Variants in SYT16 observed in about 807,000 individuals in gnomAD.
The protein encoded by SYT16 is synaptotagmin-16.
A neutral mutation model predicts 61.4 loss-of-function variants in SYT16; 42 were observed. The observed-to-expected ratio is 0.68, with a 90% CI of 0.53 to 0.89. The LOEUF (loss-of-function observed/expected upper bound fraction) is 0.89, where lower values mean the gene tolerates loss of function less well. Among genes scored for constraint, SYT16 ranks in the 40% least tolerant of loss-of-function variants. The pLI is 0.00. For synonymous variants in SYT16, 314 were observed against 302.3 expected (o/e 1.04, Z -0.40); for missense variants, 804 against 807.3 (o/e 1.00, Z 0.05).
intron 5 of SYT16, among the ~76,000 whole-genome samples, chr14:62,077,335 T>C (rs986705816): frequency 6.6e-6 from 1 of 152,254 alleles, no homozygotes; most frequent in Non-Finnish European, 1.5e-5. Flanking sequence ...TCATTTATTT[T>C]GTCTCAGCAG....
chr14:62,017,711 T>C (rs2053746836), intron 3 of SYT16, among the ~76,000 whole-genome samples: 1 of 151,938 alleles, frequency 6.6e-6, no homozygotes, highest in Non-Finnish European at 1.5e-5. Flanking sequence ...CAACCATTAT[T>C]CTCAGTGTGT....
chr14:61,926,397 G>C (rs934516817), intron 1 of SYT16, among the ~76,000 whole-genome samples: 1 of 152,152 alleles, frequency 6.6e-6, no homozygotes, highest in African/African-American at 2.4e-5. Context: ...CCCTTAGCTA[G>C]TGAGAGTTCA....
intron 3 of SYT16, among the ~76,000 whole-genome samples, chr14:62,018,302 T>TC (rs2053778016): frequency 5.4e-5 from 3 of 55,852 alleles, no homozygotes; most frequent in African/African-American, 1.7e-4. Context: ...CTTCTTCTTT[T>TC]TTTTTTTTTT....
chr14:61,954,833 A>G (rs996201781), intron 1 of SYT16, among the ~76,000 whole-genome samples: 28 of 152,162 alleles, frequency 1.8e-4, no homozygotes, highest in African/African-American at 6.5e-4. Flanking sequence ...CTCATGACCT[A>G]TAATATTTAA....
rs1034175838 is a variant in SYT16 at position 62,106,234 on chromosome 14, A to G, written c.*5527A>G. ...TGAGTGCACATTGAAGCAGTTGGTCATCATTATACAATGATGCTTACCAAT... is the reference window on the plus strand; with the variant it reads ...TGAGTGCACATTGAAGCAGTTGGTCGTCATTATACAATGATGCTTACCAAT... On this transcript the variant is annotated 3_prime_UTR_variant, in exon 8 of 8. Coordinates refer to ENST00000683842, the MANE Select transcript of SYT16 (RefSeq NM_001367656.1). 2 of 152,238 alleles carry G rather than the reference A, an allele frequency of 1.3e-5. No homozygotes were observed. Among genetic ancestry groups the G allele is most frequent in the Non-Finnish European group, 2.9e-5 (2 of 68,030 alleles). 9.4% of individuals were successfully genotyped at this position (152,238 alleles called of 1,614,324 possible).
At chr14:61,897,789 A>G (rs2048374626) in intron 1 of SYT16, among the ~76,000 whole-genome samples, 1 of 152,126 alleles carries the variant, frequency 6.6e-6, no homozygotes, top group Non-Finnish European at 1.5e-5. Context: ...TAGAACCCAT[A>G]GACACACTTG....
intron 3 of SYT16, among the ~76,000 whole-genome samples, chr14:62,046,094 C>T (rs1028112572): frequency 6.6e-6 from 1 of 152,150 alleles, no homozygotes; most frequent in African/African-American, 2.4e-5. Flanking sequence ...CCTATTTCTC[C>T]ATATCCTCTC....
rs374007616 is a variant in SYT16 at position 62,047,291 on chromosome 14, A to G, written c.524-22312A>G. On this transcript the variant is annotated intron_variant, in intron 3 of 7. Transcript: ENST00000683842. ...CTCTCTGTTTGTCTGTTATTGGTGT[A>G]TAAGAATGCTTGTGGTTTTTGCACA... 7.5e-3 allele frequency among the ~76,000 whole-genome samples: 1,144 copies of G among 152,328 alleles called. 10 individuals carry two copies. Among genetic ancestry groups the G allele is most frequent in the East Asian group, 0.024 (126 of 5,186 alleles).
chr14:61,823,671 G>C (rs1295412137), intron 1 of SYT16, among the ~76,000 whole-genome samples: 1 of 151,834 alleles, frequency 6.6e-6, no homozygotes, highest in African/African-American at 2.4e-5. Flanking sequence ...AGAATCGCTT[G>C]AGCCTGGGAG....
chr14:61,966,304 T>G (rs1201187827), intron 1 of SYT16, among the ~76,000 whole-genome samples: 1 of 152,128 alleles, frequency 6.6e-6, no homozygotes, highest in East Asian at 1.9e-4. Context: ...TATAAGCATA[T>G]GAAATAGTAT....
Position 61,935,273 on chromosome 14 carries a change from G to A in SYT16, c.-324-34859G>A, listed in dbSNP as rs1470832863. 2.0e-5 allele frequency among the ~76,000 whole-genome samples: 3 copies of A among 152,148 alleles called. No homozygotes were observed. The East Asian group carries it at 5.8e-4, about 29-fold the overall frequency. On this transcript the variant is annotated intron_variant, in intron 1 of 7. Coordinates refer to ENST00000683842, the MANE Select transcript of SYT16 (RefSeq NM_001367656.1). The stretch of plus-strand genomic sequence containing the variant: ...GCGGTGATTGAAGCTGATTCACGCC[G>A]ACAGTGGCTCCCATTAATTTCTCCT...
chr14:62,059,631 A>T (rs757445871), intron 3 of SYT16, among the ~76,000 whole-genome samples: 4 of 149,702 alleles, frequency 2.7e-5, no homozygotes, highest in Non-Finnish European at 5.9e-5. Context: ...AAAGTTTTAC[A>T]GTTAGATTTA....
intron 1 of SYT16, among the ~76,000 whole-genome samples, chr14:61,964,866 TTA>T (rs1470826142): frequency 2.6e-5 from 4 of 151,940 alleles, no homozygotes; most frequent in Non-Finnish European, 4.4e-5. Context: ...AATAAAAAGA[TTA>T]TGTTTCACTG....
At chr14:62,003,571 A>C (rs994199254) in intron 3 of SYT16, among the ~76,000 whole-genome samples, 1 of 152,076 alleles carries the variant, frequency 6.6e-6, no homozygotes, top group Non-Finnish European at 1.5e-5. Context: ...TTGACCACTT[A>C]TATAAATTTT....
chr14:61,974,333 A>T (rs980917069), intron 2 of SYT16, among the ~76,000 whole-genome samples: 1 of 152,192 alleles, frequency 6.6e-6, no homozygotes, highest in Non-Finnish European at 1.5e-5. Context: ...CTTCCTGGGC[A>T]TGGAACTGCA....
chr14:62,075,378 T>A lies in SYT16; in HGVS notation c.980T>A (p.Met327Lys). 6.2e-7 allele frequency: 1 copy of A among 1,611,422 alleles called. No homozygotes were observed. Among genetic ancestry groups the A allele is most frequent in the Non-Finnish European group, 8.5e-7 (1 of 1,177,920 alleles). ...TCCTATGCCACTGACAGCTCCTCCA[T>A]GTGGAGTCCAGAGGCAAGTTATTTG... ...EDSYATDSSSMWSPEEQDRTN... is the reference protein window; with the variant it reads ...EDSYATDSSSKWSPEEQDRTN... Residue 327 changes from methionine to lysine, a missense_variant, in exon 5 of 8, where the codon ATG becomes AAG. By Grantham distance (95) the Met-to-Lys change is moderately conservative. Transcript: ENST00000683842.
chr14:62,040,232 T>C (rs1364812200), intron 3 of SYT16, among the ~76,000 whole-genome samples: 1 of 152,148 alleles, frequency 6.6e-6, no homozygotes, highest in Non-Finnish European at 1.5e-5. Flanking sequence ...TGAAGGAATG[T>C]GGGATCAATC....
intron 1 of SYT16, among the ~76,000 whole-genome samples, chr14:61,934,459 A>G (rs1331549668): frequency 6.6e-6 from 1 of 152,258 alleles, no homozygotes; most frequent in Non-Finnish European, 1.5e-5. Context: ...ACTGACATGT[A>G]ATACCGGAAT....
intron 3 of SYT16, among the ~76,000 whole-genome samples, chr14:62,029,941 T>C (rs2054251248): frequency 6.6e-6 from 1 of 152,192 alleles, no homozygotes; most frequent in South Asian, 2.1e-4. Context: ...TTCTTCCTAC[T>C]TCCCAGATGG....
Sources: allele counts gnomAD v4.1 joint callset (sites outside exome capture counted in the v4.1 genomes callset), GRCh38; gene constraint gnomAD v4.1.1; transcripts MANE v1.5; gene names NCBI Gene and HGNC (gene_info 2026-07-23, HGNC 2026-07-21).